The following CADM1 variants were observed in gnomAD, a reference collection of about 807,000 sequenced individuals.
CADM1 encodes the protein TSLC-1.
CADM1 carries 15 observed loss-of-function variants against 53.1 expected under a neutral mutation model. The observed-to-expected ratio is 0.28, with a 90% CI of 0.19 to 0.44. CADM1 has a LOEUF of 0.44. Among genes scored for constraint, CADM1 ranks in the 20% least tolerant of loss-of-function variants. CADM1 has a pLI of 1.00. For missense variants in CADM1, 434 were observed against 611.3 expected, an observed-to-expected ratio of 0.71 and a Z score of 3.06; for synonymous variants, 281 against 243.0, an observed-to-expected ratio of 1.16 and a Z score of -1.45.
At position 115,176,468 on chromosome 11, in the gene CADM1, G is replaced by A. The variant is rs187836376; in HGVS notation, c.*6C>T. On this transcript the variant is annotated 3_prime_UTR_variant, in exon 12 of 12. Transcript: ENST00000331581. The stretch of plus-strand genomic sequence containing the variant: ...TTGGACACCTCATTGAAACAAAAAG[G>A]CTGATCTAGATGAAGTACTCTTTCT... 1 of 1,613,704 alleles carries A rather than the reference G, an allele frequency of 6.2e-7. No individual in the cohort carries two copies. Among genetic ancestry groups the A allele is most frequent in the Admixed American group, 1.7e-5 (1 of 60,006 alleles).
At chr11:115,393,529 A>AG (rs1486495938) in intron 1 of CADM1, among the ~76,000 whole-genome samples, 2 of 150,934 alleles carry the variant, frequency 1.3e-5, no homozygotes, top group Non-Finnish European at 2.9e-5. Context: ...ATAAAGTATT[A>AG]GAAAAAAGAG....
chr11:115,188,571 G>A (rs1939688432), intron 10 of CADM1, among the ~76,000 whole-genome samples: 1 of 152,120 alleles, frequency 6.6e-6, no homozygotes, highest in East Asian at 1.9e-4. Context: ...GAAGGAAATT[G>A]AGTACGTAAC....
intron 10 of CADM1, among the ~76,000 whole-genome samples, chr11:115,189,624 T>C (rs1368479561): frequency 1.3e-5 from 2 of 152,218 alleles, no homozygotes; most frequent in African/African-American, 4.8e-5. Flanking sequence ...CTTCTCCAAC[T>C]ACACCACAAA....
chr11:115,265,660 A>G (rs1943113668), intron 1 of CADM1, among the ~76,000 whole-genome samples: 1 of 152,196 alleles, frequency 6.6e-6, no homozygotes, highest in South Asian at 2.1e-4. Context: ...TCTAATCTGT[A>G]TTTGGGACCA....
chr11:115,316,259 G>T (rs1429204074), intron 1 of CADM1, among the ~76,000 whole-genome samples: 1 of 152,170 alleles, frequency 6.6e-6, no homozygotes, highest in African/African-American at 2.4e-5. Flanking sequence ...TCACAATCAA[G>T]TCAGCTAGAA....
chr11:115,372,156 C>CA (rs1946324251), intron 1 of CADM1, among the ~76,000 whole-genome samples: 1 of 152,008 alleles, frequency 6.6e-6, no homozygotes, highest in South Asian at 2.1e-4. Flanking sequence ...AATTCAATGC[C>CA]AAAAAAAGTC....
intron 5 of CADM1, among the ~76,000 whole-genome samples, chr11:115,223,494 C>T (rs959054403): frequency 6.6e-5 from 10 of 152,130 alleles, no homozygotes; most frequent in East Asian, 5.8e-4. Flanking sequence ...TCAATGTCCA[C>T]AGCCACACAG....
chr11:115,496,297 T>C (rs1039327265), intron 1 of CADM1, among the ~76,000 whole-genome samples: 1 of 152,140 alleles, frequency 6.6e-6, no homozygotes, highest in Non-Finnish European at 1.5e-5. Context: ...GTGTTTATTC[T>C]CAATGTAGGC....
chr11:115,272,167 C>T (rs564327448), intron 1 of CADM1, among the ~76,000 whole-genome samples: 42 of 151,718 alleles, frequency 2.8e-4, no homozygotes, highest in Non-Finnish European at 5.6e-4. Context: ...TTATTAAAAT[C>T]CCGACCTCAG....
chr11:115,293,406 C>T (rs892585026), intron 1 of CADM1, among the ~76,000 whole-genome samples: 5 of 152,094 alleles, frequency 3.3e-5, no homozygotes, highest in Non-Finnish European at 7.4e-5. Flanking sequence ...GCACCCCAGC[C>T]TGGGCGACAG....
intron 6 of CADM1, among the ~76,000 whole-genome samples, chr11:115,216,577 A>G (rs2134769756): frequency 6.6e-6 from 1 of 152,348 alleles, no homozygotes; most frequent in South Asian, 2.1e-4. Context: ...GCAGTGCTCA[A>G]ACGAGAAAAA....
intron 1 of CADM1, among the ~76,000 whole-genome samples, chr11:115,308,132 ACT>A (rs141588354): frequency 0.1 from 13,421 of 130,404 alleles, 647 homozygotes; most frequent in Middle Eastern, 0.14. Context: ...AAAGACACAA[ACT>A]CTCTCTCTGT....
chr11:115,382,614 G>A (rs1360864360), intron 1 of CADM1, among the ~76,000 whole-genome samples: 1 of 152,054 alleles, frequency 6.6e-6, no homozygotes, highest in Non-Finnish European at 1.5e-5. Context: ...TTGTATAGTG[G>A]CATGTTAGAG....
At chr11:115,234,924 T>A (rs61907162) in intron 3 of CADM1, among the ~76,000 whole-genome samples, 1 of 147,416 alleles carries the variant, frequency 6.8e-6, no homozygotes, top group South Asian at 2.1e-4. Flanking sequence ...AAAAAAAATT[T>A]GCCCAGTGTA....
chr11:115,359,896 G>C (rs1945982913), intron 1 of CADM1, among the ~76,000 whole-genome samples: 1 of 152,176 alleles, frequency 6.6e-6, no homozygotes, highest in African/African-American at 2.4e-5. Flanking sequence ...GCTTCACCCA[G>C]TGTTCCTCAG....
chr11:115,184,402 C>T (rs187276596), intron 10 of CADM1, among the ~76,000 whole-genome samples: 3 of 152,246 alleles, frequency 2.0e-5, no homozygotes, highest in Admixed American at 2.0e-4. Flanking sequence ...ATATGTTATT[C>T]TTCTTTAAGA....
At chr11:115,340,416 C>A (rs1945396627) in intron 1 of CADM1, among the ~76,000 whole-genome samples, 1 of 148,120 alleles carries the variant, frequency 6.8e-6, no homozygotes, top group Non-Finnish European at 1.5e-5. Context: ...TTTCTAGGAA[C>A]ACTCTGAAAA....
Position 115,353,226 on chromosome 11 carries a change from A to G in CADM1, c.125-112806T>C, listed in dbSNP as rs12287952. On this transcript the variant is annotated intron_variant, in intron 1 of 11. Transcript: ENST00000331581. ...GGACACATTAGAGATGTTTAGGGAA[A>G]TCTTCTCTGTAATGTACTGGTGATG... Among the ~76,000 whole-genome samples the G allele has an allele frequency of 5.1e-3, 783 of 152,270 alleles. 8 individuals are homozygous for G. Among genetic ancestry groups the G allele is most frequent in the African/African-American group, 0.018 (753 of 41,562 alleles).
chr11:115,289,371 TA>T (rs557965468), intron 1 of CADM1, among the ~76,000 whole-genome samples: 56 of 151,574 alleles, frequency 3.7e-4, no homozygotes, highest in South Asian at 6.3e-4. Flanking sequence ...TCTCAAAAAA[TA>T]AAAAAATAAA....
Sources: allele counts gnomAD v4.1 joint callset (sites outside exome capture counted in the v4.1 genomes callset), GRCh38; gene constraint gnomAD v4.1.1; transcripts MANE v1.5; gene names NCBI Gene and HGNC (gene_info 2026-07-23, HGNC 2026-07-21).